Variants in TRPM3 observed in about 807,000 individuals in gnomAD.
The protein encoded by TRPM3 is long transient receptor potential channel 3.
Under a neutral mutation model 181.2 loss-of-function variants are expected in TRPM3, and 77 were observed. The ratio of observed to expected loss-of-function variants is 0.42; its 90% CI spans 0.35 to 0.51. The LOEUF is 0.51. Ranked by LOEUF, TRPM3 falls within the 20% of genes least tolerant of loss-of-function variation. The pLI is 0.01. For synonymous variants in TRPM3, 745 were observed against 796.4 expected (o/e 0.94, Z 1.09); for missense variants, 1,759 against 2,196.7 (o/e 0.80, Z 3.98).
At chr9:71,406,523 C>A (rs1413946737) in intron 1 of TRPM3, among the ~76,000 whole-genome samples, 1 of 152,096 alleles carries the variant, frequency 6.6e-6, no homozygotes, top group African/African-American at 2.4e-5. Flanking sequence ...GAAAAACACA[C>A]CCCATCCACA....
At chr9:71,086,390 CCTCTT>C (rs1440041780) in intron 1 of TRPM3, among the ~76,000 whole-genome samples, 3 of 151,680 alleles carry the variant, frequency 2.0e-5, no homozygotes, top group African/African-American at 7.3e-5. Context: ...CATTTTTTCT[CCTCTT>C]CTCAGCAACC....
At chr9:71,294,903 G>C (rs2086127541) in intron 1 of TRPM3, among the ~76,000 whole-genome samples, 1 of 151,970 alleles carries the variant, frequency 6.6e-6, no homozygotes, top group Non-Finnish European at 1.5e-5. Context: ...ATATGAAATG[G>C]ACAAAAACAG....
intron 1 of TRPM3, among the ~76,000 whole-genome samples, chr9:71,442,820 C>T (rs1391026424): frequency 6.6e-6 from 1 of 152,220 alleles, no homozygotes; most frequent in Non-Finnish European, 1.5e-5. Context: ...CTTGCTGAAT[C>T]ACCTTTCAAT....
chr9:70,775,678 T>C (rs930822000), intron 7 of TRPM3: 1 of 152,186 alleles, frequency 6.6e-6, no homozygotes, highest in African/African-American at 2.4e-5. Context: ...GTATCGTCTC[T>C]GGACCAAAAG....
At chr9:70,836,834 GT>G (rs1589056769) in intron 5 of TRPM3, among the ~76,000 whole-genome samples, 3 of 152,162 alleles carry the variant, frequency 2.0e-5, no homozygotes, top group African/African-American at 7.2e-5. Context: ...TAGCCAGATC[GT>G]GCTTCTGAAC....
At chr9:70,621,445 G>C (rs1043980694) in intron 14 of TRPM3, among the ~76,000 whole-genome samples, 172 bp from the exon 15 acceptor site, 4 of 152,006 alleles carry the variant, frequency 2.6e-5, no homozygotes, top group African/African-American at 9.7e-5. Flanking sequence ...GTTCACTGCA[G>C]CCTCAACCTC....
intron 1 of TRPM3, among the ~76,000 whole-genome samples, chr9:71,091,576 C>T (rs1228183947): frequency 5.9e-5 from 9 of 152,046 alleles, no homozygotes; most frequent in Admixed American, 3.9e-4. Flanking sequence ...ATGAATACAA[C>T]GCAGATCCAG....
At chr9:71,287,041 G>GTATTATATACTA (rs2085355792) in intron 1 of TRPM3, among the ~76,000 whole-genome samples, 1 of 129,392 alleles carries the variant, frequency 7.7e-6, no homozygotes, top group Admixed American at 8.1e-5. Flanking sequence ...ATAACATATT[G>GTATTATATACTA]TATTATATAC....
At chr9:71,209,595 A>G (rs767273721) in intron 1 of TRPM3, among the ~76,000 whole-genome samples, 5 of 152,218 alleles carry the variant, frequency 3.3e-5, no homozygotes, top group African/African-American at 4.8e-5. Flanking sequence ...AGAGAGAGGC[A>G]AAGAGCACCT....
chr9:71,018,983 T>C (rs986581834), intron 1 of TRPM3, among the ~76,000 whole-genome samples: 1 of 151,980 alleles, frequency 6.6e-6, no homozygotes, highest in African/African-American at 2.4e-5. Flanking sequence ...AATGGTTTAA[T>C]ATTCAAAATT....
chr9:71,273,647 C>A (rs1342137279), intron 1 of TRPM3, among the ~76,000 whole-genome samples: 3 of 152,140 alleles, frequency 2.0e-5, no homozygotes, highest in Non-Finnish European at 4.4e-5. Flanking sequence ...TACTATTAAT[C>A]CACTCCCCAA....
At position 71,397,336 on chromosome 9, in the gene TRPM3, G is replaced by T. The variant is rs111566736; in HGVS notation, c.183+49317C>A. The stretch of plus-strand genomic sequence containing the variant: ...GTAATATCTGTTTTTTTTAAAAGGG[G>T]CCTTTAAGTATAATTGTATTTCTCT... On this transcript the variant is annotated intron_variant, in intron 1 of 24. Coordinates refer to the TRPM3 transcript ENST00000357533. Among the ~76,000 whole-genome samples, 85 of 151,970 alleles carry T rather than the reference G, an allele frequency of 5.6e-4. 1 individual carries two copies. The highest frequency in any genetic ancestry group is 1.9e-3 in the African/African-American group (80 of 41,474).
In TRPM3 at chr9:71,196,410, T is replaced by C. The variant is rs186268461; in HGVS notation, c.183+250243A>G. ...CAAAAGTCTTCCCTTCATCCCATTT[T>C]TTAAATTGTATTTATCTATATTGTC... is the stretch of plus-strand genomic sequence containing the variant. On this transcript the variant is annotated intron_variant, in intron 1 of 24. Transcript: ENST00000357533. 7.1e-3 allele frequency among the ~76,000 whole-genome samples: 1,085 copies of C among 152,160 alleles called. 6 individuals carry two copies. The highest frequency in any genetic ancestry group is 0.011 in the Non-Finnish European group (733 of 67,960).
chr9:71,416,776 C>G (rs1251197561), intron 1 of TRPM3, among the ~76,000 whole-genome samples: 1 of 151,900 alleles, frequency 6.6e-6, no homozygotes, highest in African/African-American at 2.4e-5. Flanking sequence ...GACAAAACTA[C>G]CACCATAAGA....
In TRPM3 at chr9:70,846,711, T is replaced by C. The variant is rs775263185; in HGVS notation, c.463-120A>G. On this transcript the variant is annotated intron_variant, in intron 3 of 25. Coordinates refer to ENST00000677713, the MANE Select transcript of TRPM3 (RefSeq NM_001366145.2). The stretch of plus-strand genomic sequence containing the variant: ...CAAAAACGTCTCATATAAAATCAGA[T>C]TTTTTTAAAAGGGGTGATCATTTGC... 14 of 775,030 alleles carry C rather than the reference T, an allele frequency of 1.8e-5. No homozygotes were observed. In the East Asian group the frequency reaches 2.1e-4, roughly 12 times the overall value. 48.0% of individuals were successfully genotyped at this position (775,030 alleles called of 1,614,324 possible). A position where few individuals can be genotyped will look rare whatever the true frequency, so the allele number is the denominator to read the frequency against.
chr9:71,426,736 C>T (rs761034581), intron 1 of TRPM3, among the ~76,000 whole-genome samples: 9 of 152,080 alleles, frequency 5.9e-5, no homozygotes, highest in Non-Finnish European at 7.4e-5. Flanking sequence ...TTCCTATTAG[C>T]TCGGCATCTC....
chr9:70,792,943 A>T (rs1381788767), intron 6 of TRPM3, among the ~76,000 whole-genome samples: 1 of 152,176 alleles, frequency 6.6e-6, no homozygotes, highest in Non-Finnish European at 1.5e-5. Flanking sequence ...GAATATATAT[A>T]TATGTTTTAA....
chr9:71,078,504 C>T (rs1366714998), intron 1 of TRPM3, among the ~76,000 whole-genome samples: 1 of 152,082 alleles, frequency 6.6e-6, no homozygotes, highest in African/African-American at 2.4e-5. Flanking sequence ...GGAATGCTTT[C>T]TTATCCTCTA....
At chr9:70,786,874 T>G (rs573055512) in intron 6 of TRPM3, among the ~76,000 whole-genome samples, 115 of 152,288 alleles carry the variant, frequency 7.6e-4, no homozygotes, top group African/African-American at 2.7e-3. Context: ...GTTCTAGGAC[T>G]CTTGGATTCT....
Sources: gnomAD v4.1 joint callset for allele counts (sites outside exome capture counted in the v4.1 genomes callset) on GRCh38, gnomAD v4.1.1 for gene constraint, MANE v1.5 for transcripts, NCBI Gene and HGNC (gene_info 2026-07-23, HGNC 2026-07-21) for gene names.